Variants in SEMA6D observed in about 807,000 individuals in gnomAD.
SEMA6D encodes semaphorin 6D, also known as semaphorin-6D.
Under a neutral mutation model 106.6 loss-of-function variants are expected in SEMA6D, and 35 were observed. That is an observed-to-expected ratio of 0.33 (90% CI 0.25 to 0.44). The LOEUF (loss-of-function observed/expected upper bound fraction) is 0.44, where lower values mean the gene tolerates loss of function less well. Ranked by LOEUF, SEMA6D falls within the 20% of genes least tolerant of loss-of-function variation. The pLI is 1.00. For missense variants in SEMA6D, 1,185 were observed against 1,345.9 expected, an observed-to-expected ratio of 0.88 and a Z score of 1.87; for synonymous variants, 499 against 487.7, an observed-to-expected ratio of 1.02 and a Z score of -0.31.
At chr15:47,595,566 C>T (rs1396451128) in intron 3 of SEMA6D, among the ~76,000 whole-genome samples, 2 of 152,080 alleles carry the variant, frequency 1.3e-5, no homozygotes, top group Non-Finnish European at 2.9e-5. Flanking sequence ...ATGTCTTTGT[C>T]TGGCTTTGGT....
At chr15:47,407,932 G>C (rs1307466548) in intron 1 of SEMA6D, among the ~76,000 whole-genome samples, 1 of 152,080 alleles carries the variant, frequency 6.6e-6, no homozygotes, top group Admixed American at 6.6e-5. Flanking sequence ...TGGTGGTGGT[G>C]GGGTGGGGGT....
At chr15:47,478,279 C>T (rs1179506462) in intron 3 of SEMA6D, among the ~76,000 whole-genome samples, 2 of 152,042 alleles carry the variant, frequency 1.3e-5, no homozygotes, top group African/African-American at 4.8e-5. Context: ...ATGTGAAAGC[C>T]TTGGAAGAGT....
intron 4 of SEMA6D, among the ~76,000 whole-genome samples, chr15:47,652,138 A>G (rs188827866): frequency 5.1e-4 from 77 of 152,316 alleles, no homozygotes; most frequent in African/African-American, 1.9e-3. Context: ...AATATTTCTT[A>G]CACTTGGAAT....
At chr15:47,535,600 C>T (rs1287829532) in intron 3 of SEMA6D, among the ~76,000 whole-genome samples, 1 of 151,618 alleles carries the variant, frequency 6.6e-6, no homozygotes, top group Non-Finnish European at 1.5e-5. Flanking sequence ...AACAACAAAT[C>T]AGGTAAGTTG....
chr15:47,614,330 C>T (rs1189529086), intron 4 of SEMA6D, among the ~76,000 whole-genome samples: 2 of 152,230 alleles, frequency 1.3e-5, no homozygotes, highest in Non-Finnish European at 2.9e-5. Flanking sequence ...CAGCTCCCTC[C>T]AGTCATGGCA....
intron 1 of SEMA6D, among the ~76,000 whole-genome samples, chr15:47,333,298 A>G (rs1001370137): frequency 2.0e-5 from 3 of 152,304 alleles, no homozygotes; most frequent in Middle Eastern, 3.4e-3. Flanking sequence ...TGAAGTGTAT[A>G]TCATAATGTA....
intron 3 of SEMA6D, among the ~76,000 whole-genome samples, chr15:47,509,201 T>G (rs965505976): frequency 6.6e-6 from 1 of 152,128 alleles, no homozygotes; most frequent in African/African-American, 2.4e-5. Flanking sequence ...TGAGGAAGCA[T>G]TTGCTAAATT....
intron 1 of SEMA6D, among the ~76,000 whole-genome samples, chr15:47,399,929 C>T (rs1236841400): frequency 6.6e-6 from 1 of 152,192 alleles, no homozygotes; most frequent in African/African-American, 2.4e-5. Flanking sequence ...CACAGGAACA[C>T]ACTGCAAAGT....
At chr15:47,376,531 T>C (rs1395103670) in intron 1 of SEMA6D, among the ~76,000 whole-genome samples, 1 of 152,230 alleles carries the variant, frequency 6.6e-6, no homozygotes, top group Admixed American at 6.5e-5. Context: ...AGCCGAGCAC[T>C]AGTGTCGCCT....
chr15:47,581,516 T>G (rs1200346805), intron 3 of SEMA6D, among the ~76,000 whole-genome samples: 2 of 152,198 alleles, frequency 1.3e-5, no homozygotes, highest in Admixed American at 1.3e-4. Context: ...ACATTTGAAC[T>G]GACACCTGAA....
At chr15:47,519,147 A>G (rs752983704) in intron 3 of SEMA6D, among the ~76,000 whole-genome samples, 15 of 152,230 alleles carry the variant, frequency 9.9e-5, no homozygotes, top group Non-Finnish European at 1.5e-4. Flanking sequence ...AAATAAAAAT[A>G]AAATGTATAG....
At chr15:47,289,480 C>T (rs916326722) in intron 1 of SEMA6D, among the ~76,000 whole-genome samples, 2 of 149,626 alleles carry the variant, frequency 1.3e-5, no homozygotes, top group Non-Finnish European at 3.0e-5. Context: ...TTAAGGTAAT[C>T]TAATTTTTCT....
intron 4 of SEMA6D, among the ~76,000 whole-genome samples, chr15:47,696,920 A>G (rs1490121880): frequency 6.6e-6 from 1 of 152,202 alleles, no homozygotes; most frequent in Non-Finnish European, 1.5e-5. Flanking sequence ...GACTTAATAC[A>G]TGGGAACTGC....
At chr15:47,444,701 A>T (rs1437350811) in intron 2 of SEMA6D, among the ~76,000 whole-genome samples, 1 of 152,114 alleles carries the variant, frequency 6.6e-6, no homozygotes, top group Non-Finnish European at 1.5e-5. Flanking sequence ...CAGGAATGGG[A>T]ACACACAGAC....
chr15:47,299,897 T>A (rs1196056748), intron 1 of SEMA6D, among the ~76,000 whole-genome samples: 2 of 139,564 alleles, frequency 1.4e-5, no homozygotes, highest in African/African-American at 2.7e-5. Context: ...ACAGAATTAG[T>A]GTGGAGAATT....
chr15:47,517,829 C>T (rs1440931798), intron 3 of SEMA6D, among the ~76,000 whole-genome samples: 2 of 152,134 alleles, frequency 1.3e-5, no homozygotes, highest in African/African-American at 2.4e-5. Flanking sequence ...AGTGCTTTAA[C>T]CAGCATTAAC....
At chr15:47,626,950 A>G (rs938143566) in intron 4 of SEMA6D, among the ~76,000 whole-genome samples, 1 of 152,178 alleles carries the variant, frequency 6.6e-6, no homozygotes, top group Non-Finnish European at 1.5e-5. Context: ...GGCACAAAGG[A>G]ACACTAACAA....
intron 1 of SEMA6D, among the ~76,000 whole-genome samples, chr15:47,310,013 T>C (rs1458793612): frequency 6.6e-6 from 1 of 152,224 alleles, no homozygotes; most frequent in East Asian, 1.9e-4. Flanking sequence ...TGACTGACTG[T>C]ACAAGAAAAG....
chr15:47,622,137 CTT>C (rs2077113774), intron 4 of SEMA6D, among the ~76,000 whole-genome samples: 1 of 143,920 alleles, frequency 6.9e-6, no homozygotes, highest in Admixed American at 7.3e-5. Context: ...CTGACCAAAA[CTT>C]TTTGAGGTAG....
Sources: allele counts gnomAD v4.1 joint callset (sites outside exome capture counted in the v4.1 genomes callset), GRCh38; gene constraint gnomAD v4.1.1; transcripts MANE v1.5; gene names NCBI Gene and HGNC (gene_info 2026-07-23, HGNC 2026-07-21).